Variants in NEGR1 observed in about 807,000 individuals in gnomAD.
The protein encoded by NEGR1 is IgLON family member 4.
A neutral mutation model predicts 40.9 loss-of-function variants in NEGR1; 10 were observed. That is an observed-to-expected ratio of 0.24 (90% CI 0.15 to 0.42). NEGR1 has a LOEUF of 0.42. NEGR1 is among the 10% of genes least tolerant of loss of function. The pLI is 1.00. For synonymous variants in NEGR1, 185 were observed against 166.8 expected, an observed-to-expected ratio of 1.11 and a Z score of -0.84; for missense variants, 352 against 438.9, an observed-to-expected ratio of 0.80 and a Z score of 1.77.
intron 6 of NEGR1, among the ~76,000 whole-genome samples, chr1:71,416,710 C>T (rs1646358372): frequency 6.6e-6 from 1 of 152,168 alleles, no homozygotes; most frequent in Non-Finnish European, 1.5e-5. Flanking sequence ...CTTTTTCAGT[C>T]TTATACCTGA....
At chr1:71,649,831 C>T (rs544529850) in intron 4 of NEGR1, among the ~76,000 whole-genome samples, 13 of 152,216 alleles carry the variant, frequency 8.5e-5, no homozygotes, top group Non-Finnish European at 1.8e-4. Context: ...AGCTTCATTC[C>T]TGTGTCTCTT....
At chr1:71,867,381 G>T (rs532936492) in intron 2 of NEGR1, among the ~76,000 whole-genome samples, 2 of 152,200 alleles carry the variant, frequency 1.3e-5, no homozygotes, top group Admixed American at 6.5e-5. Context: ...TCGAGGGAGG[G>T]GACGAGGGGA....
chr1:72,083,899 C>A (rs1007763512), intron 1 of NEGR1, among the ~76,000 whole-genome samples: 76 of 152,244 alleles, frequency 5.0e-4, no homozygotes, highest in African/African-American at 1.8e-3. Flanking sequence ...ACTTCATTAT[C>A]AACCAAAGAG....
intron 2 of NEGR1, among the ~76,000 whole-genome samples, chr1:71,880,576 G>A (rs1246210124): frequency 1.1e-4 from 16 of 151,850 alleles, no homozygotes. Flanking sequence ...CCTTTGAAAT[G>A]AACTCCAAAC....
At chr1:71,864,597 C>T (rs1263322325) in intron 2 of NEGR1, among the ~76,000 whole-genome samples, 1 of 152,016 alleles carries the variant, frequency 6.6e-6, no homozygotes, top group East Asian at 1.9e-4. Context: ...ACATTAAGGG[C>T]CCTGCAGCCT....
At chr1:71,799,017 G>A (rs1299693938) in intron 2 of NEGR1, among the ~76,000 whole-genome samples, 1 of 151,266 alleles carries the variant, frequency 6.6e-6, no homozygotes, top group Admixed American at 6.6e-5. Flanking sequence ...CCTTTTGAGG[G>A]TAGGGGAAAA....
At chr1:72,117,180 G>T (rs1458857997) in intron 1 of NEGR1, among the ~76,000 whole-genome samples, 2 of 151,678 alleles carry the variant, frequency 1.3e-5, no homozygotes, top group Non-Finnish European at 2.9e-5. Flanking sequence ...AGCAACAATG[G>T]TCCATTCTTC....
At chr1:71,549,950 A>C in intron 6 of NEGR1, among the ~76,000 whole-genome samples, 1 of 151,676 alleles carries the variant, frequency 6.6e-6, no homozygotes, top group East Asian at 2.0e-4. Context: ...GCCAGGGCTT[A>C]CATACCAGGA....
chr1:71,938,861 T>C (rs992706747), intron 1 of NEGR1, among the ~76,000 whole-genome samples: 8 of 152,116 alleles, frequency 5.3e-5, no homozygotes, highest in Non-Finnish European at 1.0e-4. Flanking sequence ...TCTCTGAGAG[T>C]CTCTGGCTTC....
intron 6 of NEGR1, among the ~76,000 whole-genome samples, chr1:71,549,262 T>C (rs1647997392): frequency 6.6e-6 from 1 of 151,756 alleles, no homozygotes; most frequent in Non-Finnish European, 1.5e-5. Context: ...AATGTTTATT[T>C]ATTACCATGC....
At chr1:72,067,439 A>G (rs1044029461) in intron 1 of NEGR1, among the ~76,000 whole-genome samples, 3 of 152,166 alleles carry the variant, frequency 2.0e-5, no homozygotes, top group Non-Finnish European at 4.4e-5. Context: ...TTCTAACAGT[A>G]TACCCATTTT....
At chr1:71,772,529 T>A (rs1330474881) in intron 3 of NEGR1, among the ~76,000 whole-genome samples, 2 of 152,138 alleles carry the variant, frequency 1.3e-5, no homozygotes, top group Non-Finnish European at 2.9e-5. Flanking sequence ...AATACAGAGT[T>A]CTGGATTGGA....
At chr1:71,760,986 T>C (rs1334415968) in intron 3 of NEGR1, among the ~76,000 whole-genome samples, 2 of 152,322 alleles carry the variant, frequency 1.3e-5, no homozygotes, top group East Asian at 3.9e-4. Context: ...ATCCCAGCAG[T>C]GTTCATAGAT....
intron 6 of NEGR1, among the ~76,000 whole-genome samples, chr1:71,502,144 C>T (rs544412336): frequency 2.8e-4 from 42 of 152,206 alleles, no homozygotes; most frequent in African/African-American, 1.0e-3. Context: ...GCAAACGTAA[C>T]AAACTGCATT....
At chr1:71,578,578 A>G (rs936212248) in intron 6 of NEGR1, among the ~76,000 whole-genome samples, 1 of 152,134 alleles carries the variant, frequency 6.6e-6, no homozygotes, top group African/African-American at 2.4e-5. Context: ...CTCAGGGGCA[A>G]GACTATTTAA....
intron 1 of NEGR1, among the ~76,000 whole-genome samples, chr1:72,060,089 A>G (rs1647152359): frequency 6.6e-6 from 1 of 151,704 alleles, no homozygotes; most frequent in African/African-American, 2.4e-5. Flanking sequence ...CATAAAGTTC[A>G]TATTCATGAA....
At chr1:72,224,801 T>C (rs1426467293) in intron 1 of NEGR1, among the ~76,000 whole-genome samples, 1 of 152,084 alleles carries the variant, frequency 6.6e-6, no homozygotes, top group African/African-American at 2.4e-5. Flanking sequence ...TTTTGCCTGA[T>C]CTATAGTCAG....
chr1:72,270,614 C>G (rs1655810225), intron 1 of NEGR1, among the ~76,000 whole-genome samples: 1 of 151,870 alleles, frequency 6.6e-6, no homozygotes, highest in Non-Finnish European at 1.5e-5. Context: ...TAAACTGCCA[C>G]AAATGTTCAT....
chr1:71,424,680 G>A lies in NEGR1; in HGVS notation c.941-17110C>T, dbSNP rs561907323. ...AACCCAGAGAGGAGTTGGCCTTGCT[G>A]TTGCTGGCTTCAAAACTGAGGGGCC... On this transcript the variant is annotated intron_variant, in intron 6 of 6. Coordinates refer to ENST00000357731, the MANE Select transcript of NEGR1 (RefSeq NM_173808.3). 4.6e-5 allele frequency among the ~76,000 whole-genome samples: 7 copies of A among 152,264 alleles called. No individual in the cohort carries two copies. The East Asian group carries it at 9.7e-4, about 21-fold the overall frequency.
Sources: allele counts gnomAD v4.1 joint callset (sites outside exome capture counted in the v4.1 genomes callset), GRCh38; gene constraint gnomAD v4.1.1; transcripts MANE v1.5; gene names NCBI Gene and HGNC (gene_info 2026-07-23, HGNC 2026-07-21).